NLRX1: variants seen among roughly 807,000 people sequenced by gnomAD.
The protein encoded by NLRX1 is NLR family member X1, also known as NOD-like receptor X1.
NLRX1 carries 67 observed loss-of-function variants against 74.2 expected under a neutral mutation model. The observed-to-expected ratio is 0.90, with a 90% CI of 0.74 to 1.11. NLRX1 has a LOEUF of 1.11. Ranked by LOEUF, NLRX1 falls within the 50% of genes least tolerant of loss-of-function variation. The probability of loss-of-function intolerance (pLI) is 0.00; values close to 1 mark genes in which losing one functional copy is unlikely to be tolerated. For missense variants in NLRX1, 1,191 were observed against 1,305.4 expected (o/e 0.91, Z 1.35); for synonymous variants, 506 against 559.1 (o/e 0.91, Z 1.34).
rs767531313 is a variant in NLRX1, at chr11:119,183,743, C to A, written c.*304C>A. On this transcript the variant is annotated 3_prime_UTR_variant, in exon 10 of 10. Transcript: ENST00000409109. The surrounding 1 kb of genome is among the most constrained non-coding windows in gnomAD (Gnocchi z 5.7). ...CCAGAGTGCCCTGAAGCACCACTAC[C>A]AACCTTGCCTCCCCCTCCTCTCAAA... 7 of 778,230 alleles carry A rather than the reference C, an allele frequency of 9.0e-6. No homozygotes were observed. The South Asian group carries it at 9.4e-5, about 10-fold the overall frequency. The allele number at this position is 778,230 out of a possible 1,614,324, so 48.2% of individuals were successfully genotyped here.
chr11:119,171,936 T>C (rs573882802), intron 2 of NLRX1, among the ~76,000 whole-genome samples: 2 of 150,676 alleles, frequency 1.3e-5, no homozygotes, highest in Non-Finnish European at 2.9e-5. Flanking sequence ...GCCTGGACAA[T>C]AGAGTAAGAC....
At position 119,174,472 on chromosome 11, in the gene NLRX1, C is replaced by A. The variant is rs772750434; in HGVS notation, c.869C>A (p.Thr290Asn). 1.9e-6 allele frequency: 3 copies of A among 1,613,954 alleles called. No homozygotes were observed. Among genetic ancestry groups the A allele is most frequent in the Non-Finnish European group, 8.5e-7 (1 of 1,179,846 alleles). ...TCCCAGGCCAGCATTCTGGTGACCA[C>A]TCGGCCCTCTGCCATTGGCCGTATC... ...MLPQASILVTTRPSAIGRIPS... is the reference protein window; with the variant it reads ...MLPQASILVTNRPSAIGRIPS... The change falls in exon 6 of 10, where the codon ACT becomes AAT. Residue 290 changes from threonine to asparagine, a missense_variant. Coordinates refer to ENST00000409109, the MANE Select transcript of NLRX1 (RefSeq NM_001282144.2).
Position 119,181,256 on chromosome 11 carries a change from C to A in NLRX1, c.2353C>A (p.Arg785=). 2 of 1,612,360 alleles carry A rather than the reference C, an allele frequency of 1.2e-6. No homozygotes were observed. Among genetic ancestry groups the A allele is most frequent in the Non-Finnish European group, 1.7e-6 (2 of 1,178,658 alleles). The stretch of plus-strand genomic sequence containing the variant: ...TGACCAGTGCCAAATTACCACACTG[C>A]GGTGAGTGACCTGGGAGTGGGGCAT... The part of the protein sequence containing the change: ...LHDQCQITTL[R]LSNNPLTAAG... The change falls in exon 8 of 10, where the codon CGG becomes AGG. Residue 785 remains arginine (R), a splice_region_variant and synonymous_variant. Coordinates refer to ENST00000409109, the MANE Select transcript of NLRX1 (RefSeq NM_001282144.2).
chr11:119,172,895 TC>T lies in NLRX1; in HGVS notation c.141-3del. On this transcript the variant is annotated splice_polypyrimidine_tract_variant and splice_region_variant and intron_variant, in intron 3 of 9. Transcript: ENST00000409109. ...GTCCCAGCTCATCCCCTCTCCTTGT[TC>T]CCAGGGCCTTTATACGCCACCACGG... 1 of 1,612,314 alleles carries T rather than the reference TC, an allele frequency of 6.2e-7. No individual in the cohort carries two copies. Among genetic ancestry groups the T allele is most frequent in the Non-Finnish European group, 8.5e-7 (1 of 1,178,494 alleles).
Position 119,183,485 on chromosome 11 carries a change from CT to C in NLRX1, c.*50del. 2 of 1,547,456 alleles carry C rather than the reference CT, an allele frequency of 1.3e-6. No homozygotes were observed. The highest frequency in any genetic ancestry group is 8.7e-7 in the Non-Finnish European group (1 of 1,143,102). On this transcript the variant is annotated 3_prime_UTR_variant, in exon 10 of 10. Coordinates refer to ENST00000409109, the MANE Select transcript of NLRX1 (RefSeq NM_001282144.2). This position sits in a 1 kb window ranked among gnomAD's most constrained non-coding sequence, Gnocchi z 5.7. ...AGCTATGTGACCACTGGCCCTAAAC[CT>C]TTTCCCTCTGTGGCCTCCTGGCTTG...
intron 3 of NLRX1, 84 bp downstream of exon 3, chr11:119,172,509 T>A: frequency 9.4e-7 from 1 of 1,060,068 alleles, no homozygotes; most frequent in South Asian, 1.3e-5. Context: ...GCTAGCTTGA[T>A]CTCTTGGGGA....
At position 119,168,979 on chromosome 11, in the gene NLRX1, C is replaced by G. The variant is rs1285869369; in HGVS notation, c.-372C>G. The G allele has an allele frequency of 1.3e-5, 2 of 152,278 alleles. No individual in the cohort carries two copies. The highest frequency in any genetic ancestry group is 2.1e-4 in the South Asian group (1 of 4,838). The allele number at this position is 152,278 out of a possible 1,614,324, so 9.4% of individuals were successfully genotyped here. On this transcript the variant is annotated 5_prime_UTR_variant, in exon 1 of 10. Coordinates refer to ENST00000409109, the MANE Select transcript of NLRX1 (RefSeq NM_001282144.2). Reference sequence around the variant, plus strand: ...GACTCTGGGAGCTAGCGGGAGACGCCGGCGTCCGCCCAGCCGACCCCTCTG... The same window carrying G: ...GACTCTGGGAGCTAGCGGGAGACGCGGGCGTCCGCCCAGCCGACCCCTCTG...
chr11:119,182,363 T>A lies in NLRX1; in HGVS notation c.2606+18T>A, dbSNP rs1948862852. Reference sequence around the variant, plus strand: ...CTGCTACAGTGAGTCCTGTCCCTGGTCCCATTGCCCCCAGCCCTTCAGACT... The same window carrying A: ...CTGCTACAGTGAGTCCTGTCCCTGGACCCATTGCCCCCAGCCCTTCAGACT... On this transcript the variant is annotated intron_variant, in intron 9 of 9. Coordinates refer to ENST00000409109, the MANE Select transcript of NLRX1 (RefSeq NM_001282144.2). 1.9e-6 allele frequency: 3 copies of A among 1,603,418 alleles called. No individual in the cohort carries two copies.
chr11:119,169,476 A>G (rs2135147251), intron 1 of NLRX1, among the ~76,000 whole-genome samples, 174 bp downstream of exon 1: 1 of 152,230 alleles, frequency 6.6e-6, no homozygotes, highest in South Asian at 2.1e-4. Flanking sequence ...ACCCTTCCGC[A>G]GCCCCTGGGA....
chr11:119,183,517 C>A lies in NLRX1; in HGVS notation c.*78C>A. ...CTCTGTGGCCTCCTGGCTTGCACTG[C>A]TCCCTCTAGAAAGATTCCTTCAGGT... On this transcript the variant is annotated 3_prime_UTR_variant, in exon 10 of 10. Transcript: ENST00000409109. The surrounding 1 kb of genome is among the most constrained non-coding windows in gnomAD (Gnocchi z 5.7). The A allele has an allele frequency of 1.5e-6, 2 of 1,357,906 alleles. No homozygotes were observed. The highest frequency in any genetic ancestry group is 1.0e-6 in the Non-Finnish European group (1 of 987,734). 84.1% of individuals were successfully genotyped at this position (1,357,906 alleles called of 1,614,324 possible).
At chr11:119,182,750 G>A (rs758578069) in intron 9 of NLRX1, among the ~76,000 whole-genome samples, 4 of 152,092 alleles carry the variant, frequency 2.6e-5, no homozygotes, top group Admixed American at 6.6e-5. Context: ...ATCTGGGTGT[G>A]GTGGTGCGCA....
At position 119,182,268 on chromosome 11, in the gene NLRX1, G is replaced by T. The variant is rs749902252; in HGVS notation, c.2529G>T (p.Ala843=). The T allele has an allele frequency of 6.2e-7, 1 of 1,613,696 alleles. No individual in the cohort carries two copies. The highest frequency in any genetic ancestry group is 8.5e-7 in the Non-Finnish European group (1 of 1,180,036). The part of the protein sequence containing the change: ...RNRQLQELNV[A]YNGAGDTAAL... ...GGCAGCTGCAGGAGCTGAACGTGGC[G>T]TACAACGGTGCTGGTGACACAGCGG... Residue 843 remains alanine, a synonymous_variant, in exon 9 of 10, where the codon GCG becomes GCT. Transcript: ENST00000409109.
chr11:119,172,311 T>C (rs375464688), intron 2 of NLRX1, 45 bp from the exon 3 acceptor site: 202 of 1,439,414 alleles, frequency 1.4e-4, no homozygotes, highest in Non-Finnish European at 1.9e-4. Flanking sequence ...GGGTTCTGTG[T>C]ATTGCATGGG....
Position 119,168,868 on chromosome 11 carries a change from C to G in NLRX1, c.-483C>G, listed in dbSNP as rs1350440318. The G allele has an allele frequency of 1.3e-5, 2 of 152,300 alleles. No individual in the cohort carries two copies. Among genetic ancestry groups the G allele is most frequent in the Non-Finnish European group, 2.9e-5 (2 of 68,106 alleles). The allele number at this position is 152,300 out of a possible 1,614,324, so 9.4% of individuals were successfully genotyped here. On this transcript the variant is annotated 5_prime_UTR_variant, in exon 1 of 10. Transcript: ENST00000409109. ...GACCCCGCAGGCCCGAGTGCCTGGGCTCGTCCTCTTTCGCGCCCGCTGCCA... is the reference window on the plus strand; with the variant it reads ...GACCCCGCAGGCCCGAGTGCCTGGGGTCGTCCTCTTTCGCGCCCGCTGCCA...
chr11:119,183,339 G>T lies in NLRX1; in HGVS notation c.2828G>T (p.Ser943Ile). 1.2e-6 allele frequency: 2 copies of T among 1,614,270 alleles called. No individual in the cohort carries two copies. Among genetic ancestry groups the T allele is most frequent in the Non-Finnish European group, 1.7e-6 (2 of 1,180,048 alleles). Reference sequence around the variant, plus strand: ...CTCCTACTGCGGGATCTGGAAGATAGCCGGGGTGCCACCCTTAATCCTTGG... The same window carrying T: ...CTCCTACTGCGGGATCTGGAAGATATCCGGGGTGCCACCCTTAATCCTTGG... ...LELLLRDLED[S>I]RGATLNPWRK... Residue 943 changes from serine to isoleucine, a missense_variant, in exon 10 of 10, where the codon AGC (serine) becomes ATC (isoleucine). Transcript: ENST00000409109. The surrounding 1 kb of genome is among the most constrained non-coding windows in gnomAD (Gnocchi z 5.7).
rs779800977 is a variant in NLRX1 at position 119,183,655 on chromosome 11, G to A, written c.*216G>A. 9 of 722,918 alleles carry A rather than the reference G, an allele frequency of 1.2e-5. No individual in the cohort carries two copies. The highest frequency in any genetic ancestry group is 1.0e-4 in the South Asian group (7 of 68,368). The allele number at this position is 722,918 out of a possible 1,614,324, so 44.8% of individuals were successfully genotyped here. A position where few individuals can be genotyped will look rare whatever the true frequency, so the allele number is the denominator to read the frequency against. The stretch of plus-strand genomic sequence containing the variant: ...GATGGTGAATCAATGCTTCGGGCTT[G>A]GAGATGGAACATGCCTCCTCTCCAT... On this transcript the variant is annotated 3_prime_UTR_variant, in exon 10 of 10. Coordinates refer to ENST00000409109, the MANE Select transcript of NLRX1 (RefSeq NM_001282144.2). This position sits in a 1 kb window ranked among gnomAD's most constrained non-coding sequence, Gnocchi z 5.7.
rs746883673 is a variant in NLRX1 at position 119,183,112 on chromosome 11, T to C, written c.2607-6T>C. ...TGAATGGCATCGACTTTCTCTCTCCTGCCAGCCTCTACTTCAATGAGCTGA... is the reference window on the plus strand; with the variant it reads ...TGAATGGCATCGACTTTCTCTCTCCCGCCAGCCTCTACTTCAATGAGCTGA... On this transcript the variant is annotated splice_region_variant and splice_polypyrimidine_tract_variant and intron_variant, in intron 9 of 9. Transcript: ENST00000409109. The surrounding 1 kb of genome is among the most constrained non-coding windows in gnomAD (Gnocchi z 5.7). 46 of 1,613,162 alleles carry C rather than the reference T, an allele frequency of 2.9e-5. No homozygotes were observed. Among genetic ancestry groups the C allele is most frequent in the Non-Finnish European group, 3.8e-5 (45 of 1,179,624 alleles).
intron 7 of NLRX1, among the ~76,000 whole-genome samples, chr11:119,180,697 G>A (rs1440594752): frequency 1.2e-4 from 18 of 144,474 alleles, no homozygotes; most frequent in African/African-American, 4.4e-4. Context: ...GCAAAACTCC[G>A]TCTCAAAAAA....
At chr11:119,174,155 C>T in intron 5 of NLRX1, 57 bp downstream of exon 5, 2 of 1,576,874 alleles carry the variant, frequency 1.3e-6, no homozygotes, top group Non-Finnish European at 1.7e-6. Context: ...CCCCCTAGGT[C>T]CTGGGTTACT....
Sources: allele counts gnomAD v4.1 joint callset (sites outside exome capture counted in the v4.1 genomes callset), GRCh38; gene constraint gnomAD v4.1.1; non-coding constraint Gnocchi (gnomAD v3.1); transcripts MANE v1.5; gene names NCBI Gene and HGNC (gene_info 2026-07-23, HGNC 2026-07-21).